The following IQCM variants were observed in gnomAD, a reference collection of about 807,000 sequenced individuals.
IQCM encodes IQ motif containing M, also known as IQ domain-containing protein M.
In IQCM, 45 loss-of-function variants were observed where a neutral mutation model predicts 57.6. That is an observed-to-expected ratio of 0.78 (90% confidence interval 0.62 to 1.00). The LOEUF (loss-of-function observed/expected upper bound fraction) is 1.00, where lower values mean the gene tolerates loss of function less well. Ranked by LOEUF, IQCM falls within the 50% of genes least tolerant of loss-of-function variation. The pLI, the probability that IQCM is intolerant of heterozygous loss-of-function variation, is 0.00. For synonymous variants in IQCM, 148 were observed against 158.9 expected, an observed-to-expected ratio of 0.93 and a Z score of 0.51; for missense variants, 468 against 511.6, an observed-to-expected ratio of 0.91 and a Z score of 0.82.
chr4:149,803,319 C>T (rs1773779665), intron 2 of IQCM, among the ~76,000 whole-genome samples: 1 of 151,964 alleles, frequency 6.6e-6, no homozygotes, highest in Admixed American at 6.6e-5. Flanking sequence ...ATATTTCCAC[C>T]ATATGCATAT....
intron 2 of IQCM, among the ~76,000 whole-genome samples, chr4:149,766,807 G>A (rs534977514): frequency 4.2e-4 from 64 of 152,060 alleles, no homozygotes; most frequent in Non-Finnish European, 7.9e-4. Flanking sequence ...AGAAAATTTG[G>A]TGGATTCCTA....
chr4:149,722,820 G>T (rs534830850), intron 5 of IQCM, among the ~76,000 whole-genome samples: 1 of 151,866 alleles, frequency 6.6e-6, no homozygotes. Flanking sequence ...CTCTAATTCT[G>T]TGGGAAAAAA....
At chr4:149,702,300 T>TCACACACACACA (rs3085128) in intron 5 of IQCM, among the ~76,000 whole-genome samples, 5 of 145,844 alleles carry the variant, frequency 3.4e-5, no homozygotes, top group Non-Finnish European at 6.1e-5. Context: ...CTCCCTCACT[T>TCACACACACACA]CACACACACA....
intron 13 of IQCM, among the ~76,000 whole-genome samples, chr4:149,355,566 C>A (rs898282699): frequency 1.3e-5 from 2 of 152,044 alleles, no homozygotes; most frequent in East Asian, 3.9e-4. Context: ...CTACAAAGGA[C>A]GTGAACTCAT....
At chr4:149,506,096 C>T (rs965463956) in intron 12 of IQCM, among the ~76,000 whole-genome samples, 2 of 152,110 alleles carry the variant, frequency 1.3e-5, no homozygotes, top group Non-Finnish European at 2.9e-5. Context: ...TGTGAATCAG[C>T]CTTTCCTCTT....
chr4:149,439,443 A>T (rs1326098570), intron 12 of IQCM, among the ~76,000 whole-genome samples: 4 of 152,048 alleles, frequency 2.6e-5, no homozygotes, highest in Non-Finnish European at 2.9e-5. Flanking sequence ...TCATATCACT[A>T]TATATAAATA....
chr4:149,576,436 A>G (rs901448046), intron 9 of IQCM, among the ~76,000 whole-genome samples: 2 of 151,844 alleles, frequency 1.3e-5, no homozygotes, highest in Non-Finnish European at 2.9e-5. Context: ...TTTTGGTTAC[A>G]TGGATGAATT....
chr4:149,507,128 G>T (rs988821459), intron 12 of IQCM, among the ~76,000 whole-genome samples: 2 of 152,156 alleles, frequency 1.3e-5, no homozygotes, highest in African/African-American at 4.8e-5. Flanking sequence ...CTTCCACCAT[G>T]ATTGTGAGGC....
chr4:149,576,064 T>C (rs2149972355), intron 9 of IQCM, among the ~76,000 whole-genome samples: 1 of 151,990 alleles, frequency 6.6e-6, no homozygotes, highest in East Asian at 1.9e-4. Flanking sequence ...ATAAATTAAG[T>C]TGAAACTATC....
intron 5 of IQCM, among the ~76,000 whole-genome samples, chr4:149,730,613 A>G (rs1166323175): frequency 1.3e-5 from 2 of 152,214 alleles, no homozygotes; most frequent in Non-Finnish European, 2.9e-5. Context: ...CCCTCTAGCT[A>G]GATAGAATTT....
At chr4:149,732,852 T>C (rs1766587442) in intron 5 of IQCM, among the ~76,000 whole-genome samples, 1 of 152,200 alleles carries the variant, frequency 6.6e-6, no homozygotes, top group African/African-American at 2.4e-5. Context: ...AAAAATCTTT[T>C]TAGTGTTTTG....
At chr4:149,533,556 G>A (rs780459658) in intron 12 of IQCM, among the ~76,000 whole-genome samples, 12 of 152,066 alleles carry the variant, frequency 7.9e-5, no homozygotes, top group Non-Finnish European at 1.6e-4. Context: ...TAAAGAAATA[G>A]AAGCTTAATG....
chr4:149,726,129 A>AAGAAAGAC (rs1765907884), intron 5 of IQCM, among the ~76,000 whole-genome samples: 1 of 148,306 alleles, frequency 6.7e-6, no homozygotes, highest in African/African-American at 2.5e-5. Flanking sequence ...GAAAGAAAGA[A>AAGAAAGAC]AGAAAGAAAG....
At chr4:149,795,647 T>C (rs1773045300) in intron 2 of IQCM, among the ~76,000 whole-genome samples, 1 of 152,138 alleles carries the variant, frequency 6.6e-6, no homozygotes, top group Non-Finnish European at 1.5e-5. Context: ...GCAGAGCTCC[T>C]ACCTCCAAAA....
At position 149,436,248 on chromosome 4, in the gene IQCM, A is replaced by T. The variant is rs146046158; in HGVS notation, c.1229-2691T>A. ...CACAAATCCTTACCACTGTGTTACA[A>T]TTATTTACCTATATTTTTCATATGC... On this transcript the variant is annotated intron_variant, in intron 12 of 13. Transcript: ENST00000636793. Among the ~76,000 whole-genome samples, 20 of 152,258 alleles carry T rather than the reference A, an allele frequency of 1.3e-4. No individual in the cohort carries two copies. In the East Asian group the frequency reaches 3.9e-3, roughly 29 times the overall value.
At chr4:149,385,161 A>G (rs1731334319) in intron 13 of IQCM, among the ~76,000 whole-genome samples, 1 of 152,116 alleles carries the variant, frequency 6.6e-6, no homozygotes, top group Non-Finnish European at 1.5e-5. Flanking sequence ...CGGAGCTTAA[A>G]TGTTAATGGT....
At chr4:149,423,347 G>A (rs1251332722) in intron 13 of IQCM, among the ~76,000 whole-genome samples, 1 of 151,984 alleles carries the variant, frequency 6.6e-6, no homozygotes, top group Non-Finnish European at 1.5e-5. Context: ...CTGCATGGGG[G>A]AAACCTCCGT....
intron 9 of IQCM, among the ~76,000 whole-genome samples, chr4:149,581,032 T>C (rs1469908715): frequency 6.6e-6 from 1 of 151,716 alleles, no homozygotes; most frequent in Non-Finnish European, 1.5e-5. Context: ...GTAATCACAG[T>C]AACCAAGTTA....
intron 2 of IQCM, among the ~76,000 whole-genome samples, chr4:149,753,477 T>C (rs1201537939): frequency 6.6e-6 from 1 of 151,960 alleles, no homozygotes; most frequent in East Asian, 1.9e-4. Flanking sequence ...TTGGACACAG[T>C]ATAAGAGAAT....
Sources: allele counts gnomAD v4.1 joint callset (sites outside exome capture counted in the v4.1 genomes callset), GRCh38; gene constraint gnomAD v4.1.1; transcripts MANE v1.5; gene names NCBI Gene and HGNC (gene_info 2026-07-23, HGNC 2026-07-21).